NUBPL: variants seen among roughly 807,000 people sequenced by gnomAD.
NUBPL encodes NUBP iron-sulfur cluster assembly factor, mitochondrial, also known as iron-sulfur cluster transfer protein NUBPL.
In NUBPL, 31 loss-of-function variants were observed where a neutral mutation model predicts 45.7. That is an observed-to-expected ratio of 0.68 (90% CI 0.51 to 0.92). NUBPL has a LOEUF of 0.92. NUBPL is among the 40% of genes least tolerant of loss of function. NUBPL has a pLI of 0.00. For synonymous variants in NUBPL, 144 were observed against 140.9 expected (o/e 1.02, Z -0.15); for missense variants, 401 against 398.7 (o/e 1.01, Z -0.05).
intron 7 of NUBPL, among the ~76,000 whole-genome samples, chr14:31,807,021 C>T (rs8013137): frequency 1 from 151,908 of 152,312 alleles, 75,755 homozygotes; most frequent in Middle Eastern, 1. Context: ...CAGTCTATCA[C>T]TGATGGACAT....
intron 8 of NUBPL, among the ~76,000 whole-genome samples, chr14:31,834,291 CT>C (rs1179519062): frequency 6.7e-6 from 1 of 150,270 alleles, no homozygotes; most frequent in Non-Finnish European, 1.5e-5. Context: ...AGCAATTCTC[CT>C]GCCTCAGCCT....
chr14:31,749,150 C>T (rs567053065), intron 6 of NUBPL, among the ~76,000 whole-genome samples: 167 of 152,268 alleles, frequency 1.1e-3, no homozygotes, highest in African/African-American at 3.5e-3. Context: ...TGAGGACTTA[C>T]TCCTGTTATA....
At chr14:31,689,044 A>T (rs564617473) in intron 6 of NUBPL, among the ~76,000 whole-genome samples, 4 of 150,918 alleles carry the variant, frequency 2.7e-5, no homozygotes, top group South Asian at 4.2e-4. Context: ...TATATGTACC[A>T]TCTTTTCTTT....
intron 4 of NUBPL, among the ~76,000 whole-genome samples, chr14:31,617,417 A>T (rs1176543450): frequency 6.6e-6 from 1 of 152,184 alleles, no homozygotes; most frequent in African/African-American, 2.4e-5. Context: ...TGGGTTTGTC[A>T]TAAATAGCTC....
At chr14:31,836,411 T>C (rs2040281965) in intron 8 of NUBPL, among the ~76,000 whole-genome samples, 1 of 152,218 alleles carries the variant, frequency 6.6e-6, no homozygotes, top group East Asian at 1.9e-4. Flanking sequence ...GAATCTGTTT[T>C]CTAATGTTTC....
intron 4 of NUBPL, among the ~76,000 whole-genome samples, chr14:31,639,393 A>G (rs1595412466): frequency 6.6e-6 from 1 of 152,288 alleles, no homozygotes; most frequent in East Asian, 1.9e-4. Context: ...GCTGCAGAAC[A>G]GCGGATTTCG....
intron 6 of NUBPL, among the ~76,000 whole-genome samples, chr14:31,712,903 A>T (rs1017975122): frequency 6.6e-6 from 1 of 152,206 alleles, no homozygotes; most frequent in Non-Finnish European, 1.5e-5. Context: ...GTGTGGGAAA[A>T]CAGGAACTAG....
intron 7 of NUBPL, among the ~76,000 whole-genome samples, chr14:31,803,915 T>C (rs1385692551): frequency 6.6e-6 from 1 of 152,152 alleles, no homozygotes; most frequent in Non-Finnish European, 1.5e-5. Context: ...TTTCTTTTCT[T>C]TTCCTCCTTC....
At chr14:31,808,949 G>A (rs183037935) in intron 7 of NUBPL, among the ~76,000 whole-genome samples, 33 of 152,320 alleles carry the variant, frequency 2.2e-4, no homozygotes, top group East Asian at 2.1e-3. Context: ...GACCAGCCTT[G>A]TATCCCAGGG....
intron 8 of NUBPL, among the ~76,000 whole-genome samples, chr14:31,832,376 G>A (rs56001536): frequency 0.026 from 3,955 of 152,084 alleles, 86 homozygotes; most frequent in Non-Finnish European, 0.039. Flanking sequence ...AGGAGAGTTA[G>A]AACAAAAAAG....
rs369991144 is a variant in NUBPL at position 31,835,034 on chromosome 14, AG to A, written c.693+8322del. Among the ~76,000 whole-genome samples, 54 of 152,316 alleles carry A rather than the reference AG, an allele frequency of 3.5e-4. 1 individual carries two copies. The highest frequency in any genetic ancestry group is 8.7e-4 in the African/African-American group (36 of 41,566). On this transcript the variant is annotated intron_variant, in intron 8 of 10. Coordinates refer to ENST00000281081, the MANE Select transcript of NUBPL (RefSeq NM_025152.3). Reference sequence around the variant, plus strand: ...TATTAAGGTAGACAAGTGAAGCCAGAGGAAACTGGTGGATTGAAAATGGGGA... The same window carrying A: ...TATTAAGGTAGACAAGTGAAGCCAGAGAAACTGGTGGATTGAAAATGGGGA...
intron 4 of NUBPL, among the ~76,000 whole-genome samples, chr14:31,666,957 T>C (rs1460278776): frequency 2.6e-5 from 4 of 152,216 alleles, no homozygotes; most frequent in East Asian, 1.9e-4. Context: ...GTAGGTAATC[T>C]GACCTTTCTC....
At position 31,633,620 on chromosome 14, in the gene NUBPL, C is replaced by A. The variant is rs1033477898; in HGVS notation, c.382+34241C>A. On this transcript the variant is annotated intron_variant, in intron 4 of 10. Coordinates refer to ENST00000281081, the MANE Select transcript of NUBPL (RefSeq NM_025152.3). ...TTGTAGATATTCAGAGTTACAGAAT[C>A]CACAAATGCATTATAAATAATGGTC... Among the ~76,000 whole-genome samples, 3 of 152,122 alleles carry A rather than the reference C, an allele frequency of 2.0e-5. No homozygotes were observed. In the South Asian group the frequency reaches 6.2e-4, roughly 32 times the overall value.
At chr14:31,657,267 A>G (rs2036162503) in intron 4 of NUBPL, among the ~76,000 whole-genome samples, 1 of 152,204 alleles carries the variant, frequency 6.6e-6, no homozygotes, top group South Asian at 2.1e-4. Flanking sequence ...CTTCTTTACT[A>G]TGATTTCTTA....
rs542200331 is a variant in NUBPL at position 31,820,344 on chromosome 14, A to C, written c.608-6285A>C. ...CATCACAAACTGAAGTGACATCATT[A>C]ATGATGGTATAAAGGGTGAAAACTC... On this transcript the variant is annotated intron_variant, in intron 7 of 10. Coordinates refer to ENST00000281081, the MANE Select transcript of NUBPL (RefSeq NM_025152.3). 5.3e-5 allele frequency among the ~76,000 whole-genome samples: 8 copies of C among 152,260 alleles called. No individual in the cohort carries two copies. In the South Asian group the frequency reaches 1.7e-3, roughly 32 times the overall value.
rs2033299898 is a variant in NUBPL at position 31,562,092 on chromosome 14, C to T, written c.133C>T (p.Leu45=). The change falls in exon 2 of 11, where the codon CTA becomes TTA. Residue 45 remains leucine, a synonymous_variant. Coordinates refer to ENST00000281081, the MANE Select transcript of NUBPL (RefSeq NM_025152.3). ...RQLSGAGSET[L]KQRRTQIMSR... ...GTTGTCTGGCGCCGGGAGTGAGACC[C>T]TAAAACAAAGAAGAACACAAATCAT... is the stretch of plus-strand genomic sequence containing the variant. The T allele has an allele frequency of 6.2e-7, 1 of 1,608,204 alleles. No individual in the cohort carries two copies. The highest frequency in any genetic ancestry group is 8.5e-7 in the Non-Finnish European group (1 of 1,176,714).
intron 8 of NUBPL, among the ~76,000 whole-genome samples, chr14:31,827,913 G>C (rs909164985): frequency 1.3e-5 from 2 of 152,172 alleles, no homozygotes; most frequent in Non-Finnish European, 2.9e-5. Flanking sequence ...TAGAATGGTT[G>C]AGGTGAATTT....
At chr14:31,803,597 A>G (rs1252249112) in intron 7 of NUBPL, among the ~76,000 whole-genome samples, 3 of 152,042 alleles carry the variant, frequency 2.0e-5, no homozygotes, top group South Asian at 4.2e-4. Context: ...GAGGCAATCA[A>G]TTTTGGACTT....
intron 7 of NUBPL, 89 bp from the exon 8 acceptor site, chr14:31,826,540 A>T: frequency 9.4e-7 from 1 of 1,061,622 alleles, no homozygotes; most frequent in East Asian, 2.5e-5. Flanking sequence ...AACGTAATAG[A>T]CTATTTGCGT....
Sources: gnomAD v4.1 joint callset for allele counts (sites outside exome capture counted in the v4.1 genomes callset) on GRCh38, gnomAD v4.1.1 for gene constraint, MANE v1.5 for transcripts, NCBI Gene and HGNC (gene_info 2026-07-23, HGNC 2026-07-21) for gene names.